The following HEATR4 variants were observed in gnomAD, a reference collection of about 807,000 sequenced individuals.
HEATR4 encodes the protein HEAT repeat containing 4, also known as HEAT repeat-containing protein 4.
Under a neutral mutation model 108.8 loss-of-function variants are expected in HEATR4, and 95 were observed. That is an observed-to-expected ratio of 0.87 (90% CI 0.74 to 1.04). HEATR4 has a LOEUF of 1.04. Ranked by LOEUF, HEATR4 falls within the 50% of genes least tolerant of loss-of-function variation. The pLI is 0.00. For synonymous variants in HEATR4, 443 were observed against 459.4 expected (o/e 0.96, Z 0.46); for missense variants, 1,152 against 1,253.8 (o/e 0.92, Z 1.23).
chr14:73,533,407 G>GCA (rs1373438172), intron 1 of HEATR4, among the ~76,000 whole-genome samples: 1 of 115,742 alleles, frequency 8.6e-6, no homozygotes, highest in Non-Finnish European at 1.9e-5. Context: ...GGCCAGGCGT[G>GCA]GTGGCTCAGG....
At chr14:73,584,078 G>A in the HEATR4 span, among the ~76,000 whole-genome samples, 14 of 151,808 alleles carry the variant, frequency 9.2e-5, no homozygotes, top group Non-Finnish European at 1.9e-4. Flanking sequence ...AGCCTCAGAT[G>A]GGCATGTATA....
At chr14:73,632,521 G>A in the HEATR4 span, among the ~76,000 whole-genome samples, 1 of 151,894 alleles carries the variant, frequency 6.6e-6, no homozygotes, top group Non-Finnish European at 1.5e-5. Flanking sequence ...TGGGTTCAAG[G>A]CCTTTTCTCT....
At position 73,539,069 on chromosome 14, in the gene HEATR4, T is replaced by C. The variant is rs148022434; in HGVS notation, c.-151-8825A>G. Among the ~76,000 whole-genome samples the C allele has an allele frequency of 5.2e-5, 6 of 116,070 alleles. 2 individuals carry two copies. Among genetic ancestry groups the C allele is most frequent in the Admixed American group, 2.9e-4 (3 of 10,406 alleles). The allele number at this position is 116,070 out of a possible 152,430, so 76.1% of individuals were successfully genotyped here. A position where few individuals can be genotyped will look rare whatever the true frequency, so the allele number is the denominator to read the frequency against. Reference sequence around the variant, plus strand: ...TGGACCAGGAAGTCACTTTTTTTTTTAATAAAAAGAATTCCAACTGGTTTT... The same window carrying C: ...TGGACCAGGAAGTCACTTTTTTTTTCAATAAAAAGAATTCCAACTGGTTTT... On this transcript the variant is annotated intron_variant, in intron 1 of 17. Coordinates refer to ENST00000553558, the MANE Select transcript of HEATR4 (RefSeq NM_001220484.1).
At chr14:73,559,161 TCTCA>T (rs756361398), upstream of HEATR4, among the ~76,000 whole-genome samples, 22 of 152,014 alleles carry the variant, frequency 1.4e-4, no homozygotes, top group Admixed American at 3.3e-4. Context: ...TTTGAGACAG[TCTCA>T]CTCAGTTGCC....
intron 17 of HEATR4, 102 bp from the exon 18 acceptor site, chr14:73,478,944 T>G: frequency 1.2e-6 from 1 of 822,836 alleles, no homozygotes; most frequent in Admixed American, 2.5e-5. Context: ...GTCTCCTTTT[T>G]TTTTTTCTTT....
intron 1 of HEATR4, among the ~76,000 whole-genome samples, chr14:73,548,975 A>T (rs1366884875): frequency 1.8e-5 from 2 of 108,422 alleles, no homozygotes; most frequent in African/African-American, 6.0e-5. Context: ...GGTGGTGAGG[A>T]CACTTGTCTT....
At chr14:73,518,957 G>A in intron 5 of HEATR4, 66 bp downstream of exon 5, 2 of 1,502,044 alleles carry the variant, frequency 1.3e-6, no homozygotes, top group Non-Finnish European at 1.8e-6. Flanking sequence ...TGAATAGTGG[G>A]TAATGATGGG....
rs566197179 is a variant in HEATR4 at position 73,527,751 on chromosome 14, G to A, written c.-73+2415C>T. Among the ~76,000 whole-genome samples the A allele has an allele frequency of 2.0e-4, 30 of 152,030 alleles. 2 individuals are homozygous for A. The South Asian group carries it at 6.2e-3, about 32-fold the overall frequency. ...CTAGCACTTTGGGAGGCCAAGGCAGGTGGATCACCTGAGATCAGGGGTTCG... is the reference window on the plus strand; with the variant it reads ...CTAGCACTTTGGGAGGCCAAGGCAGATGGATCACCTGAGATCAGGGGTTCG... On this transcript the variant is annotated intron_variant, in intron 2 of 17. Coordinates refer to ENST00000553558, the MANE Select transcript of HEATR4 (RefSeq NM_001220484.1).
intron 1 of HEATR4, among the ~76,000 whole-genome samples, chr14:73,552,744 G>A (rs1207439826): frequency 3.8e-5 from 4 of 105,826 alleles, no homozygotes; most frequent in Non-Finnish European, 5.8e-5. Flanking sequence ...CCCACTTCCT[G>A]ATCCCACAAC....
chr14:73,609,228 G>T, the HEATR4 span, among the ~76,000 whole-genome samples: 1 of 152,240 alleles, frequency 6.6e-6, no homozygotes, highest in Non-Finnish European at 1.5e-5. Flanking sequence ...GCCATGACTG[G>T]GTTGCTGAAT....
chr14:73,541,413 T>G lies in HEATR4; in HGVS notation c.-151-11169A>C, dbSNP rs1207187198. ...ATTGCTGGGTCACATGTGTGGTAAG[T>G]ATATGTTTAACTTGGTAAGAAACCA... On this transcript the variant is annotated intron_variant, in intron 1 of 17. Transcript: ENST00000553558. 3.6e-6 allele frequency: 4 copies of G among 1,108,542 alleles called. 1 individual carries two copies. In the Admixed American group the frequency reaches 7.3e-5, roughly 20 times the overall value. The allele number at this position is 1,108,542 out of a possible 1,614,324, so 68.7% of individuals were successfully genotyped here. A position where few individuals can be genotyped will look rare whatever the true frequency, so the allele number is the denominator to read the frequency against.
At chr14:73,569,026 T>C in the HEATR4 span, 2 of 616,216 alleles carry the variant, frequency 3.2e-6, no homozygotes, top group Non-Finnish European at 2.8e-6. Context: ...CCAGCCCTGG[T>C]CCAGCCCATT....
At chr14:73,533,046 G>C (rs1226465555) in intron 1 of HEATR4, among the ~76,000 whole-genome samples, 1 of 115,092 alleles carries the variant, frequency 8.7e-6, no homozygotes, top group African/African-American at 2.8e-5. Flanking sequence ...GATCCTTTGA[G>C]CCCAGGAGTT....
chr14:73,572,639 A>ATT, the HEATR4 span, among the ~76,000 whole-genome samples: 67 of 107,200 alleles, frequency 6.3e-4, 1 homozygote, highest in South Asian at 7.8e-3. Context: ...AGGTGTTTGC[A>ATT]TTTTTTTTTT....
intron 13 of HEATR4, 23 bp from the exon 14 acceptor site, chr14:73,498,367 T>C: frequency 6.4e-7 from 1 of 1,562,302 alleles, no homozygotes; most frequent in Non-Finnish European, 8.7e-7. Context: ...GAGGGCAGCA[T>C]GTCACTGAAG....
Position 73,533,813 on chromosome 14 carries a change from C to G in HEATR4, c.-151-3569G>C, listed in dbSNP as rs1308650120. ...GTGTAATTCTAGCGCTTTGAGAGGC[C>G]AAGGCAGGATGATCACTTGAGGCCA... On this transcript the variant is annotated intron_variant, in intron 1 of 17. Coordinates refer to ENST00000553558, the MANE Select transcript of HEATR4 (RefSeq NM_001220484.1). Among the ~76,000 whole-genome samples the G allele has an allele frequency of 1.9e-5, 2 of 103,670 alleles. 1 individual carries two copies. Among genetic ancestry groups the G allele is most frequent in the Admixed American group, 2.3e-4 (2 of 8,698 alleles). 68.0% of individuals were successfully genotyped at this position (103,670 alleles called of 152,430 possible).
Position 73,492,728 on chromosome 14 carries a change from G to A in HEATR4, c.2844+338C>T. On this transcript the variant is annotated intron_variant, in intron 17 of 17. Transcript: ENST00000553558. The surrounding 1 kb of genome is among the most constrained non-coding windows in gnomAD (Gnocchi z 4.9). Reference sequence around the variant, plus strand: ...GGGCCATTTGTTTCTCTATTACACAGTGGAAAACTCCCGTGTGTATCATCT... The same window carrying A: ...GGGCCATTTGTTTCTCTATTACACAATGGAAAACTCCCGTGTGTATCATCT... The A allele has an allele frequency of 1.9e-6, 3 of 1,613,952 alleles. No homozygotes were observed. Among genetic ancestry groups the A allele is most frequent in the Non-Finnish European group, 2.5e-6 (3 of 1,179,896 alleles).
chr14:73,612,782 A>C, the HEATR4 span: 622,793 of 1,357,624 alleles, frequency 0.46, 148,204 homozygotes, highest in East Asian at 0.87. Context: ...GCTGGGAGGC[A>C]GCTTCGCGGG....
At chr14:73,520,648 G>C in intron 4 of HEATR4, 1 of 505,298 alleles carries the variant, frequency 2.0e-6, no homozygotes, top group South Asian at 3.5e-5. Context: ...GAGAAAGCGG[G>C]GAGAGAGAGC....
Sources: allele counts gnomAD v4.1 joint callset (sites outside exome capture counted in the v4.1 genomes callset), GRCh38; gene constraint gnomAD v4.1.1; non-coding constraint Gnocchi (gnomAD v3.1); transcripts MANE v1.5; gene names NCBI Gene and HGNC (gene_info 2026-07-23, HGNC 2026-07-21).